Variants in ASNS observed in about 807,000 individuals in gnomAD.
ASNS encodes the protein asparagine synthetase (glutamine-hydrolyzing), also known as asparagine synthetase [glutamine-hydrolyzing].
In ASNS, 37 loss-of-function variants were observed where a neutral mutation model predicts 62.6. The ratio of observed to expected loss-of-function variants is 0.59; its 90% CI spans 0.45 to 0.78. The LOEUF is 0.78. ASNS is among the 30% of genes least tolerant of loss of function. The probability of loss-of-function intolerance (pLI) is 0.00; values close to 1 mark genes in which losing one functional copy is unlikely to be tolerated. For synonymous variants in ASNS, 207 were observed against 237.9 expected, an observed-to-expected ratio of 0.87 and a Z score of 1.19; for missense variants, 520 against 682.4, an observed-to-expected ratio of 0.76 and a Z score of 2.65.
At chr7:97,874,392 G>A (rs1450606618), upstream of ASNS, among the ~76,000 whole-genome samples, 6 of 152,044 alleles carry the variant, frequency 3.9e-5, no homozygotes, top group African/African-American at 1.4e-4. Context: ...TGTACTTAAC[G>A]CAATTATTAC....
the ASNS span, among the ~76,000 whole-genome samples, chr7:97,927,071 CTTTTTTTT>C: frequency 4.7e-4 from 19 of 40,526 alleles, no homozygotes; most frequent in South Asian, 1.4e-3. Context: ...CCACACCTGG[CTTTTTTTT>C]TTTTTTTTTT....
chr7:97,874,465 G>A (rs141625531), upstream of ASNS, among the ~76,000 whole-genome samples: 112 of 152,314 alleles, frequency 7.4e-4, 1 homozygote, highest in African/African-American at 2.5e-3. Flanking sequence ...GTAATGACAG[G>A]CATAGGAAAT....
At chr7:97,885,959 G>GA in the ASNS span, 1 of 595,454 alleles carries the variant, frequency 1.7e-6, no homozygotes, top group African/African-American at 1.9e-5. Context: ...CCTGCTCCTG[G>GA]AATGAGGCCG....
At chr7:97,920,362 C>T in the ASNS span, among the ~76,000 whole-genome samples, 98 of 152,182 alleles carry the variant, frequency 6.4e-4, no homozygotes, top group African/African-American at 2.2e-3. Flanking sequence ...TTCCTGGGCC[C>T]GTCCTGCCCC....
the ASNS span, among the ~76,000 whole-genome samples, chr7:97,889,109 C>G: frequency 6.6e-6 from 1 of 152,230 alleles, no homozygotes; most frequent in African/African-American, 2.4e-5. Flanking sequence ...CCCACAAACA[C>G]TGCCCACAGT....
the ASNS span, among the ~76,000 whole-genome samples, chr7:97,878,272 C>A: frequency 3.9e-5 from 6 of 152,162 alleles, no homozygotes; most frequent in African/African-American, 1.4e-4. Flanking sequence ...TCTCTAACAA[C>A]CCAGCTCCCC....
chr7:97,895,988 G>GA, the ASNS span, among the ~76,000 whole-genome samples: 231 of 135,954 alleles, frequency 1.7e-3, no homozygotes, highest in African/African-American at 5.4e-3. Context: ...CAAGGATGAG[G>GA]AAAAAAAAAA....
chr7:97,864,668 C>T (rs1057408380), intron 3 of ASNS, among the ~76,000 whole-genome samples, 172 bp from the exon 4 acceptor site: 21 of 152,146 alleles, frequency 1.4e-4, no homozygotes, highest in African/African-American at 5.1e-4. Context: ...TCATATTCTG[C>T]AAATTCTGTT....
At position 97,869,101 on chromosome 7, in the gene ASNS, A is replaced by C; in HGVS notation, c.56T>G (p.Leu19Arg). The C allele has an allele frequency of 6.2e-7, 1 of 1,614,242 alleles. No homozygotes were observed. The highest frequency in any genetic ancestry group is 1.7e-5 in the Admixed American group (1 of 60,030). Residue 19 changes from leucine to arginine, a missense_variant, in exon 3 of 13, where the codon CTG (leucine) becomes CGG (arginine). Transcript: ENST00000394308. The stretch of plus-strand genomic sequence containing the variant: ...TCTGTGTGCAATCTTCATAGCACTC[A>C]GACACTGAACAGAAAGGCAATCATC... ...GSDDCLSVQC[L>R]SAMKIAHRGP...
At chr7:97,869,228 A>C in intron 2 of ASNS, 49 bp from the exon 3 acceptor site, 1 of 1,560,370 alleles carries the variant, frequency 6.4e-7, no homozygotes, top group South Asian at 1.2e-5. Context: ...ATCCAATCCA[A>C]CTCTGCATTA....
At chr7:97,863,604 A>C (rs1377012238) in intron 4 of ASNS, 1 of 152,300 alleles carries the variant, frequency 6.6e-6, no homozygotes, top group Non-Finnish European at 1.5e-5. Flanking sequence ...CCACGAGTTC[A>C]AGGCTGCACT....
At chr7:97,915,476 C>T in the ASNS span, among the ~76,000 whole-genome samples, 3 of 152,206 alleles carry the variant, frequency 2.0e-5, no homozygotes, top group East Asian at 5.8e-4. Context: ...GAATCACGAA[C>T]AGGCATGGCC....
chr7:97,864,231 G>A (rs1378996723), intron 4 of ASNS, 28 bp downstream of exon 4: 2 of 1,569,546 alleles, frequency 1.3e-6, no homozygotes, highest in South Asian at 1.2e-5. Context: ...AGACAATAAT[G>A]AAAATCTATA....
chr7:97,916,109 A>G, the ASNS span, among the ~76,000 whole-genome samples: 2 of 152,176 alleles, frequency 1.3e-5, no homozygotes, highest in African/African-American at 2.4e-5. Flanking sequence ...CCAGCCAGGC[A>G]TGGTGGCTCA....
chr7:97,900,239 A>G, the ASNS span, among the ~76,000 whole-genome samples: 1 of 151,664 alleles, frequency 6.6e-6, no homozygotes, highest in Non-Finnish European at 1.5e-5. Flanking sequence ...GCAGGTGCCT[A>G]TAATCCCAGC....
chr7:97,910,417 T>C, the ASNS span, among the ~76,000 whole-genome samples: 1 of 152,134 alleles, frequency 6.6e-6, no homozygotes, highest in Admixed American at 6.5e-5. Context: ...CTATTTACAA[T>C]ACTTAGAATA....
At position 97,851,993 on chromosome 7, in the gene ASNS, G is replaced by A. The variant is rs761612992; in HGVS notation, c.*266C>T. ...CATCTAAAGCAGCTCTGCCAGGAGA[G>A]GGCTGTGAGTTCTTGCAGACATCTG... On this transcript the variant is annotated 3_prime_UTR_variant, in exon 13 of 13. Transcript: ENST00000394308. The A allele has an allele frequency of 6.8e-5, 30 of 443,522 alleles. No individual in the cohort carries two copies. Among genetic ancestry groups the A allele is most frequent in the Non-Finnish European group, 1.0e-4 (25 of 243,022 alleles). 27.5% of individuals were successfully genotyped at this position (443,522 alleles called of 1,614,324 possible).
the ASNS span, among the ~76,000 whole-genome samples, chr7:97,919,450 A>G: frequency 6.6e-6 from 1 of 152,346 alleles, no homozygotes; most frequent in East Asian, 1.9e-4. Flanking sequence ...TCCAATTGCA[A>G]GAGTCCAAGG....
chr7:97,905,002 T>C, the ASNS span, among the ~76,000 whole-genome samples: 1 of 152,182 alleles, frequency 6.6e-6, no homozygotes, highest in African/African-American at 2.4e-5. Context: ...AGGGCCAGGA[T>C]GACCATGTTC....
Sources: allele counts gnomAD v4.1 joint callset (sites outside exome capture counted in the v4.1 genomes callset), GRCh38; gene constraint gnomAD v4.1.1; transcripts MANE v1.5; gene names NCBI Gene and HGNC (gene_info 2026-07-23, HGNC 2026-07-21).